TTLL5: variants seen among roughly 807,000 people sequenced by gnomAD.
The protein encoded by TTLL5 is tubulin polyglutamylase TTLL5.
In TTLL5, 132 loss-of-function variants were observed where a neutral mutation model predicts 168.4. The ratio of observed to expected loss-of-function variants is 0.78; its 90% CI spans 0.68 to 0.91. TTLL5 has a LOEUF of 0.91. Among genes scored for constraint, TTLL5 ranks in the 40% least tolerant of loss-of-function variants. The probability of loss-of-function intolerance (pLI) is 0.00; values close to 1 mark genes in which losing one functional copy is unlikely to be tolerated. For missense variants in TTLL5, 1,545 were observed against 1,581.5 expected (o/e 0.98, Z 0.39); for synonymous variants, 546 against 558.6 (o/e 0.98, Z 0.32).
chr14:75,743,782 C>T lies in TTLL5; in HGVS notation c.1282-1313C>T, dbSNP rs192508016. Among the ~76,000 whole-genome samples, 46 of 151,850 alleles carry T rather than the reference C, an allele frequency of 3.0e-4. No homozygotes were observed. In the East Asian group the frequency reaches 5.6e-3, roughly 19 times the overall value. On this transcript the variant is annotated intron_variant, in intron 15 of 31. Transcript: ENST00000298832. ...ATTTTTAGTAGAGATGGGGTTTCAC[C>T]GTGTTAGCCAGGATGGTCTCAATCT...
chr14:75,843,012 T>C (rs1390240755), intron 28 of TTLL5, among the ~76,000 whole-genome samples: 1 of 152,190 alleles, frequency 6.6e-6, no homozygotes, highest in Non-Finnish European at 1.5e-5. Context: ...AAGCACCTGC[T>C]TGCTAAAACT....
chr14:75,687,015 G>T (rs1390980414), intron 5 of TTLL5, among the ~76,000 whole-genome samples: 4 of 152,030 alleles, frequency 2.6e-5, no homozygotes, highest in Non-Finnish European at 5.9e-5. Flanking sequence ...GAAATTTTGG[G>T]TATATTTATC....
At chr14:75,870,059 T>C (rs893651321) in intron 29 of TTLL5, among the ~76,000 whole-genome samples, 1 of 152,022 alleles carries the variant, frequency 6.6e-6, no homozygotes, top group Non-Finnish European at 1.5e-5. Context: ...GACCTTGTGA[T>C]CCACCCACCT....
chr14:75,688,701 G>A (rs889997315), intron 5 of TTLL5, among the ~76,000 whole-genome samples: 10 of 152,122 alleles, frequency 6.6e-5, no homozygotes, highest in Admixed American at 6.5e-4. Context: ...AATTTGAGTT[G>A]AATTAGAGGA....
intron 31 of TTLL5, among the ~76,000 whole-genome samples, chr14:75,948,447 T>C (rs1028599366): frequency 1.3e-5 from 2 of 151,992 alleles, no homozygotes; most frequent in African/African-American, 2.4e-5. Flanking sequence ...ACCGCGCCAT[T>C]GCACTGCAGC....
chr14:75,894,935 A>G (rs1460443005), intron 30 of TTLL5, among the ~76,000 whole-genome samples: 6 of 152,324 alleles, frequency 3.9e-5, no homozygotes, highest in Admixed American at 3.3e-4. Flanking sequence ...TGACAAAATT[A>G]TAAGGAGAAA....
intron 31 of TTLL5, among the ~76,000 whole-genome samples, chr14:75,934,903 G>A (rs1037156317): frequency 6.6e-6 from 1 of 152,208 alleles, no homozygotes; most frequent in Non-Finnish European, 1.5e-5. Flanking sequence ...GAGCTTTTAA[G>A]AACATCCGGT....
intron 27 of TTLL5, among the ~76,000 whole-genome samples, chr14:75,811,402 C>T (rs925180598): frequency 2.0e-5 from 3 of 152,050 alleles, no homozygotes; most frequent in African/African-American, 7.2e-5. Context: ...CTTTCTGTTT[C>T]TCAGATGTTC....
chr14:75,833,153 T>C (rs1895675103), intron 28 of TTLL5, among the ~76,000 whole-genome samples: 1 of 152,330 alleles, frequency 6.6e-6, no homozygotes, highest in Admixed American at 6.5e-5. Context: ...CTCCCTGTGC[T>C]TATTTTTCTG....
intron 18 of TTLL5, among the ~76,000 whole-genome samples, chr14:75,757,294 T>G (rs1020604913): frequency 1.3e-5 from 2 of 152,146 alleles, no homozygotes; most frequent in African/African-American, 4.8e-5. Flanking sequence ...TAGAGATTTT[T>G]TTTTAATTGT....
intron 31 of TTLL5, among the ~76,000 whole-genome samples, chr14:75,932,498 G>A (rs556113290): frequency 6.6e-6 from 1 of 152,202 alleles, no homozygotes; most frequent in Admixed American, 6.5e-5. Context: ...TCCCAACACA[G>A]CCTGTATGGG....
chr14:75,911,679 G>A (rs1028258), intron 31 of TTLL5, among the ~76,000 whole-genome samples: 129,782 of 152,200 alleles, frequency 0.85, 55,470 homozygotes, highest in African/African-American at 0.9. Flanking sequence ...GAATTTGACA[G>A]GAGAGTTTTT....
chr14:75,816,974 ATTT>A (rs35736530), intron 27 of TTLL5, among the ~76,000 whole-genome samples: 37 of 96,094 alleles, frequency 3.9e-4, no homozygotes, highest in African/African-American at 1.5e-3. Context: ...TCCCTGTCTT[ATTT>A]TTTTTTTTTT....
intron 28 of TTLL5, among the ~76,000 whole-genome samples, chr14:75,830,843 CAG>C (rs1895521437): frequency 6.6e-6 from 1 of 152,098 alleles, no homozygotes; most frequent in Non-Finnish European, 1.5e-5. Flanking sequence ...ACACAGGGCT[CAG>C]TTTATTGCAG....
At chr14:75,932,395 A>C (rs2034304295) in intron 31 of TTLL5, among the ~76,000 whole-genome samples, 1 of 152,162 alleles carries the variant, frequency 6.6e-6, no homozygotes, top group Non-Finnish European at 1.5e-5. Flanking sequence ...TTTAGAATTG[A>C]CTCAGTAGCA....
intron 6 of TTLL5, among the ~76,000 whole-genome samples, chr14:75,698,605 T>C (rs537387945): frequency 6.6e-6 from 1 of 152,170 alleles, no homozygotes; most frequent in Non-Finnish European, 1.5e-5. Context: ...CATCTTTTCA[T>C]TCAAGAAAGA....
intron 30 of TTLL5, chr14:75,886,749 G>T: frequency 6.3e-7 from 1 of 1,597,628 alleles, no homozygotes; most frequent in Non-Finnish European, 8.5e-7. Flanking sequence ...TTTCTTCCAA[G>T]CAGTCAGCTG....
intron 21 of TTLL5, among the ~76,000 whole-genome samples, chr14:75,773,949 G>GAGAGAGAGAGAGAGAGAGAGAA (rs1555344552): frequency 6.5e-5 from 3 of 46,338 alleles, no homozygotes; most frequent in African/African-American, 1.6e-4. Flanking sequence ...GAGAGAGAGA[G>GAGAGAGAGAGAGAGAGAGAGAA]AGAGAGAAAG....
chr14:75,792,884 A>T, intron 26 of TTLL5, 32 bp from the exon 27 acceptor site: 1 of 1,512,610 alleles, frequency 6.6e-7, no homozygotes, highest in Admixed American at 2.0e-5. Flanking sequence ...TTTTTTTCCT[A>T]AATGAGTGAA....
Sources: allele counts gnomAD v4.1 joint callset (sites outside exome capture counted in the v4.1 genomes callset), GRCh38; gene constraint gnomAD v4.1.1; transcripts MANE v1.5; gene names NCBI Gene and HGNC (gene_info 2026-07-23, HGNC 2026-07-21).